UGT1A9: variants seen among roughly 807,000 people sequenced by gnomAD.
UGT1A9 encodes the protein UDP-glucuronosyltransferase 1A9.
A neutral mutation model predicts 45.0 loss-of-function variants in UGT1A9; 35 were observed. The ratio of observed to expected loss-of-function variants is 0.78; its 90% CI spans 0.59 to 1.03. The LOEUF (loss-of-function observed/expected upper bound fraction) is 1.03. UGT1A9 is among the 50% of genes least tolerant of loss of function. The pLI, the probability that UGT1A9 is intolerant of heterozygous loss-of-function variation, is 0.00. For synonymous variants in UGT1A9, 278 were observed against 250.6 expected, an observed-to-expected ratio of 1.11 and a Z score of -1.03; for missense variants, 687 against 666.6, an observed-to-expected ratio of 1.03 and a Z score of -0.34.
At position 233,672,012 on chromosome 2, in the gene UGT1A9, G is replaced by T. The variant is rs760113233; in HGVS notation, c.78G>T (p.Gly26=). 4.3e-6 allele frequency: 7 copies of T among 1,614,016 alleles called. 1 individual carries two copies. In the South Asian group the frequency reaches 7.7e-5, roughly 18 times the overall value. The change falls in exon 1 of 5, where the codon GGG becomes GGT. Residue 26 remains glycine (G), a synonymous_variant. Transcript: ENST00000354728. The part of the protein sequence containing the change: ...LLLTCGFAEA[G]KLLVVPMDGS... ...TGACCTGTGGCTTTGCCGAGGCAGGGAAGCTACTGGTAGTGCCCATGGATG... is the reference window on the plus strand; with the variant it reads ...TGACCTGTGGCTTTGCCGAGGCAGGTAAGCTACTGGTAGTGCCCATGGATG...
Position 233,748,487 on chromosome 2 carries a change from A to G in UGT1A9, c.856-18547A>G, listed in dbSNP as rs58741345. 1.8e-3 allele frequency among the ~76,000 whole-genome samples: 274 copies of G among 151,976 alleles called. 7 individuals carry two copies. The highest frequency in any genetic ancestry group is 6.4e-3 in the African/African-American group (263 of 41,268). On this transcript the variant is annotated intron_variant, in intron 1 of 4. Transcript: ENST00000354728. ...ATGCAACAGCAAATTACAATTGTTAATGTGATAATTTTTAGTGGTCCTGTC... is the reference window on the plus strand; with the variant it reads ...ATGCAACAGCAAATTACAATTGTTAGTGTGATAATTTTTAGTGGTCCTGTC...
chr2:233,726,757 A>G (rs544235681), intron 1 of UGT1A9, among the ~76,000 whole-genome samples: 1 of 152,352 alleles, frequency 6.6e-6, no homozygotes, highest in African/African-American at 2.4e-5. Flanking sequence ...TCTGCCTACC[A>G]CAGACACTAA....
At chr2:233,685,063 CAGG>C (rs1371884049) in intron 1 of UGT1A9, among the ~76,000 whole-genome samples, 1 of 152,106 alleles carries the variant, frequency 6.6e-6, no homozygotes, top group African/African-American at 2.4e-5. Context: ...AAGCTCTGCA[CAGG>C]AGATTTTTTT....
chr2:233,754,869 C>A (rs1695620043), intron 1 of UGT1A9: 2 of 1,352,824 alleles, frequency 1.5e-6, no homozygotes, highest in South Asian at 2.3e-5. Context: ...AGACCCTCTG[C>A]TTCTGCTTCC....
intron 1 of UGT1A9, among the ~76,000 whole-genome samples, chr2:233,712,623 C>T (rs5020121): frequency 0.1 from 15,461 of 152,214 alleles, 906 homozygotes; most frequent in East Asian, 0.2. Flanking sequence ...GGTGACTCCT[C>T]AGACCTCAGC....
At position 233,768,350 on chromosome 2, in the gene UGT1A9, G is replaced by A; in HGVS notation, c.1206G>A (p.Glu402=). 1 of 1,614,182 alleles carries A rather than the reference G, an allele frequency of 6.2e-7. No individual in the cohort carries two copies. Among genetic ancestry groups the A allele is most frequent in the East Asian group, 2.2e-5 (1 of 44,880 alleles). Residue 402 remains glutamate, a synonymous_variant, in exon 4 of 5, where the codon GAG becomes GAA. Transcript: ENST00000354728. ...GDQMDNAKRM[E]TKGAGVTLNV... is the part of the protein sequence containing the mutation. ...AGATGGACAATGCAAAGCGCATGGA[G>A]ACTAAGGGAGCTGGAGTGACCCTGA... is the stretch of plus-strand genomic sequence containing the variant.
chr2:233,744,228 G>A (rs1189849107), intron 1 of UGT1A9, among the ~76,000 whole-genome samples: 1 of 151,768 alleles, frequency 6.6e-6, no homozygotes, highest in Non-Finnish European at 1.5e-5. Flanking sequence ...GAAAAGAGAG[G>A]GCCTTGACTT....
In UGT1A9 at chr2:233,712,300, T is replaced by C. The variant is rs189228141; in HGVS notation, c.855+39511T>C. Among the ~76,000 whole-genome samples the C allele has an allele frequency of 8.4e-4, 128 of 151,886 alleles. 1 individual carries two copies. The highest frequency in any genetic ancestry group is 3.4e-3 in the Middle Eastern group (1 of 294). On this transcript the variant is annotated intron_variant, in intron 1 of 4. Coordinates refer to ENST00000354728, the MANE Select transcript of UGT1A9 (RefSeq NM_021027.3). ...AGCACCTCTTCTTCCATGGTGTAGA[T>C]GGAGAATCCTCAACAAAGCCTTTCC...
chr2:233,729,479 A>G, intron 1 of UGT1A9: 2 of 1,614,240 alleles, frequency 1.2e-6, no homozygotes, highest in Non-Finnish European at 1.7e-6. Context: ...GCAATGTTGA[A>G]CAATATGTCT....
At chr2:233,761,840 A>T (rs1697880873) in intron 1 of UGT1A9, among the ~76,000 whole-genome samples, 1 of 152,140 alleles carries the variant, frequency 6.6e-6, no homozygotes, top group African/African-American at 2.4e-5. Context: ...AGCGTTAGGG[A>T]ATTACTCTTT....
intron 1 of UGT1A9, among the ~76,000 whole-genome samples, chr2:233,695,554 A>G (rs1000632787): frequency 6.6e-6 from 1 of 151,596 alleles, no homozygotes; most frequent in Non-Finnish European, 1.5e-5. Flanking sequence ...AATTTTAACC[A>G]ACCATTTTCA....
chr2:233,680,276 C>T (rs998982659), intron 1 of UGT1A9, among the ~76,000 whole-genome samples: 1 of 152,044 alleles, frequency 6.6e-6, no homozygotes, highest in Non-Finnish European at 1.5e-5. Context: ...ACAGTAGAAC[C>T]ATAAGAGATC....
At chr2:233,719,170 T>C (rs2076733024) in intron 1 of UGT1A9, 8 of 1,614,246 alleles carry the variant, frequency 5.0e-6, no homozygotes, top group Non-Finnish European at 5.9e-6. Flanking sequence ...ATGGCAATTA[T>C]GAACAATGTA....
chr2:233,697,078 T>C (rs1342643335), intron 1 of UGT1A9, among the ~76,000 whole-genome samples: 2 of 152,118 alleles, frequency 1.3e-5, no homozygotes, highest in African/African-American at 4.8e-5. Flanking sequence ...GGTATCAGGG[T>C]AACACTGGTC....
chr2:233,685,233 A>G (rs1021314023), intron 1 of UGT1A9, among the ~76,000 whole-genome samples: 1 of 152,146 alleles, frequency 6.6e-6, no homozygotes, highest in African/African-American at 2.4e-5. Context: ...GGGTTTCACC[A>G]TGTTGGCCAG....
At chr2:233,729,254 G>T (rs1181621220) in intron 1 of UGT1A9, 6 of 1,614,100 alleles carry the variant, frequency 3.7e-6, no homozygotes, top group Middle Eastern at 1.6e-4. Context: ...CACTGGCTCA[G>T]CATGCGGGAG....
At chr2:233,700,856 A>G (rs1024033186) in intron 1 of UGT1A9, among the ~76,000 whole-genome samples, 10 of 151,944 alleles carry the variant, frequency 6.6e-5, no homozygotes, top group African/African-American at 1.9e-4. Context: ...ATATCTCCTA[A>G]TGCTATCCCT....
At chr2:233,719,379 T>C in intron 1 of UGT1A9, 1 of 1,613,988 alleles carries the variant, frequency 6.2e-7, no homozygotes, top group Non-Finnish European at 8.5e-7. Context: ...GGGCACACAG[T>C]GTCCAAATCC....
intron 1 of UGT1A9, among the ~76,000 whole-genome samples, chr2:233,737,265 G>A (rs1426808830): frequency 2.0e-5 from 3 of 152,296 alleles, no homozygotes; most frequent in East Asian, 3.9e-4. Context: ...CAGCAATGGC[G>A]GACACCCCTC....
Sources: allele counts gnomAD v4.1 joint callset (sites outside exome capture counted in the v4.1 genomes callset), GRCh38; gene constraint gnomAD v4.1.1; transcripts MANE v1.5; gene names NCBI Gene and HGNC (gene_info 2026-07-23, HGNC 2026-07-21).